Variants in GRID2 observed in about 807,000 individuals in gnomAD.
GRID2 encodes glutamate receptor ionotropic, delta-2.
A neutral mutation model predicts 114.8 loss-of-function variants in GRID2; 33 were observed. That is an observed-to-expected ratio of 0.29 (90% CI 0.22 to 0.38). The LOEUF (loss-of-function observed/expected upper bound fraction) is 0.38, where lower values mean the gene tolerates loss of function less well. Among genes scored for constraint, GRID2 ranks in the 10% least tolerant of loss-of-function variants. GRID2 has a pLI of 1.00. For missense variants in GRID2, 1,184 were observed against 1,257.7 expected (o/e 0.94, Z 0.89); for synonymous variants, 505 against 449.9 (o/e 1.12, Z -1.55).
At chr4:93,380,500 T>C (rs1488122248) in intron 8 of GRID2, among the ~76,000 whole-genome samples, 4 of 151,118 alleles carry the variant, frequency 2.6e-5, no homozygotes, top group Non-Finnish European at 4.4e-5. Context: ...TTCCAAAGCA[T>C]AGATAATTTT....
At chr4:93,661,968 G>C (rs796253329) in intron 14 of GRID2, among the ~76,000 whole-genome samples, 3 of 152,036 alleles carry the variant, frequency 2.0e-5, no homozygotes, top group African/African-American at 7.2e-5. Context: ...TGGGCTCCCC[G>C]CCTTGCCAGC....
intron 13 of GRID2, among the ~76,000 whole-genome samples, chr4:93,560,859 T>A (rs1734855231): frequency 6.6e-6 from 1 of 152,098 alleles, no homozygotes; most frequent in Admixed American, 6.6e-5. Flanking sequence ...TTACCCACGG[T>A]TTCTATTTTT....
At chr4:93,215,826 T>C (rs1324097279) in intron 5 of GRID2, among the ~76,000 whole-genome samples, 1 of 152,076 alleles carries the variant, frequency 6.6e-6, no homozygotes, top group Non-Finnish European at 1.5e-5. Context: ...ACCTCAGAAA[T>C]GCTCACTGCA....
At chr4:93,041,190 T>G (rs1459461260) in intron 2 of GRID2, among the ~76,000 whole-genome samples, 1 of 152,178 alleles carries the variant, frequency 6.6e-6, no homozygotes, top group Non-Finnish European at 1.5e-5. Flanking sequence ...AATCTGATTT[T>G]GTTTGCATAC....
intron 2 of GRID2, among the ~76,000 whole-genome samples, chr4:92,713,464 CATATACATATACATATATATATATATAT>C (rs1416819871): frequency 4.0e-4 from 29 of 73,226 alleles, no homozygotes; most frequent in African/African-American, 1.6e-3. Context: ...CATATATTTA[CATATACATATACATATATATATATATAT>C]ATATATATAT....
chr4:92,943,361 T>G (rs1578552929), intron 2 of GRID2, among the ~76,000 whole-genome samples: 2 of 152,224 alleles, frequency 1.3e-5, no homozygotes, highest in Non-Finnish European at 2.9e-5. Flanking sequence ...TTTCTTCCAG[T>G]TGATCGCGTC....
intron 8 of GRID2, among the ~76,000 whole-genome samples, chr4:93,321,225 G>T (rs1757177108): frequency 1.3e-5 from 2 of 152,072 alleles, no homozygotes; most frequent in South Asian, 2.1e-4. Context: ...AGAAGGGGTG[G>T]TCAGGACTGC....
chr4:93,007,977 G>A (rs1416873589), intron 2 of GRID2, among the ~76,000 whole-genome samples: 5 of 149,264 alleles, frequency 3.3e-5, no homozygotes, highest in Admixed American at 6.7e-5. Context: ...GGAGGTTGCA[G>A]TGAGCCAAGA....
chr4:93,537,241 C>T (rs1331661958), intron 13 of GRID2, among the ~76,000 whole-genome samples: 2 of 151,630 alleles, frequency 1.3e-5, no homozygotes, highest in African/African-American at 4.8e-5. Context: ...TTTTCATTTT[C>T]ACCCCATCAA....
At chr4:92,433,434 A>T (rs1732568510) in intron 1 of GRID2, among the ~76,000 whole-genome samples, 1 of 152,184 alleles carries the variant, frequency 6.6e-6, no homozygotes, top group Non-Finnish European at 1.5e-5. Flanking sequence ...GACTGCTGGG[A>T]TGGATGATTC....
intron 2 of GRID2, among the ~76,000 whole-genome samples, chr4:92,920,177 T>G (rs1297597675): frequency 6.6e-6 from 1 of 152,140 alleles, no homozygotes; most frequent in Non-Finnish European, 1.5e-5. Context: ...AACCCTTGCC[T>G]TTTTTTGTTT....
chr4:93,179,734 G>T (rs371852079), intron 4 of GRID2, among the ~76,000 whole-genome samples: 1 of 152,024 alleles, frequency 6.6e-6, no homozygotes, highest in African/African-American at 2.4e-5. Context: ...ACATAATAAC[G>T]TAACCAAGGT....
chr4:93,770,767 C>G (rs560276398), intron 15 of GRID2, among the ~76,000 whole-genome samples: 1 of 152,202 alleles, frequency 6.6e-6, no homozygotes, highest in Admixed American at 6.5e-5. Context: ...AGTAAGGACT[C>G]CCCAAGCTCC....
intron 2 of GRID2, among the ~76,000 whole-genome samples, chr4:92,856,033 T>C (rs1308312358): frequency 6.6e-6 from 1 of 152,050 alleles, no homozygotes; most frequent in Non-Finnish European, 1.5e-5. Context: ...AAACCATTAC[T>C]GTAAAAAGTG....
Position 92,423,339 on chromosome 4 carries a change from T to C in GRID2, c.88+118595T>C, listed in dbSNP as rs574401607. 2.6e-5 allele frequency among the ~76,000 whole-genome samples: 4 copies of C among 152,180 alleles called. No individual in the cohort carries two copies. In the East Asian group the frequency reaches 7.8e-4, roughly 30 times the overall value. Reference sequence around the variant, plus strand: ...GAGATGAGTAAGAATGGAACACCAGTGAGTTTAGGAGATAAATTATTTTCT... The same window carrying C: ...GAGATGAGTAAGAATGGAACACCAGCGAGTTTAGGAGATAAATTATTTTCT... On this transcript the variant is annotated intron_variant, in intron 1 of 15. Transcript: ENST00000282020.
intron 14 of GRID2, 34 bp downstream of exon 14, chr4:93,626,469 A>T (rs368988893): frequency 7.0e-7 from 1 of 1,430,702 alleles, no homozygotes. Flanking sequence ...AAGGGGAGAG[A>T]TGAAATTTAG....
intron 2 of GRID2, among the ~76,000 whole-genome samples, chr4:93,074,470 G>T (rs1243281546): frequency 6.6e-6 from 1 of 152,112 alleles, no homozygotes; most frequent in Admixed American, 6.6e-5. Context: ...AATAATAGGG[G>T]AAATTCAGCA....
chr4:93,461,444 C>T (rs1303267253), intron 11 of GRID2, among the ~76,000 whole-genome samples: 1 of 152,022 alleles, frequency 6.6e-6, no homozygotes, highest in Non-Finnish European at 1.5e-5. Context: ...AGAGGAAGTA[C>T]AGCTGTTATT....
chr4:93,311,776 C>T (rs1487295236), intron 8 of GRID2, among the ~76,000 whole-genome samples: 1 of 152,068 alleles, frequency 6.6e-6, no homozygotes, highest in Non-Finnish European at 1.5e-5. Context: ...TCAACAAGGC[C>T]AAATGATGCT....
Sources: gnomAD v4.1 joint callset for allele counts (sites outside exome capture counted in the v4.1 genomes callset) on GRCh38, gnomAD v4.1.1 for gene constraint, MANE v1.5 for transcripts, NCBI Gene and HGNC (gene_info 2026-07-23, HGNC 2026-07-21) for gene names.